C3orf49: variants seen among roughly 807,000 people sequenced by gnomAD.
C3orf49 encodes the protein putative uncharacterized protein C3orf49.
C3orf49 carries 27 observed loss-of-function variants against 13.3 expected under a neutral mutation model. The ratio of observed to expected loss-of-function variants is 2.02; its 90% CI spans 1.49 to 2.79. The LOEUF (loss-of-function observed/expected upper bound fraction) is 2.79, where lower values mean the gene tolerates loss of function less well. Among genes scored for constraint, C3orf49 ranks in the 30% most tolerant of loss-of-function variants. The probability of loss-of-function intolerance (pLI) is 0.00; values close to 1 mark genes in which losing one functional copy is unlikely to be tolerated. For synonymous variants in C3orf49, 87 were observed against 47.6 expected, an observed-to-expected ratio of 1.83 and a Z score of -3.40; for missense variants, 242 against 134.2, an observed-to-expected ratio of 1.80 and a Z score of -3.97.
rs577311855 is a variant in C3orf49 at position 63,839,163 on chromosome 3, C to T, written c.850-5860C>T. ...CAAGATTGTGCCATTGCACTCCAGCCTGAACAACAGAATGAGACTCTGTCT... is the reference window on the plus strand; with the variant it reads ...CAAGATTGTGCCATTGCACTCCAGCTTGAACAACAGAATGAGACTCTGTCT... On this transcript the variant is annotated intron_variant, in intron 5 of 6. Coordinates refer to ENST00000295896, the MANE Select transcript of C3orf49 (RefSeq NM_001355236.2). Among the ~76,000 whole-genome samples the T allele has an allele frequency of 3.3e-5, 5 of 152,114 alleles. No homozygotes were observed. In the South Asian group the frequency reaches 1.0e-3, roughly 32 times the overall value.
At chr3:63,837,458 G>A (rs1701658847) in intron 5 of C3orf49, among the ~76,000 whole-genome samples, 1 of 151,894 alleles carries the variant, frequency 6.6e-6, no homozygotes, top group Non-Finnish European at 1.5e-5. Context: ...TTAAAAACAA[G>A]AGATTATAAC....
chr3:63,788,386 A>G, the C3orf49 span, among the ~76,000 whole-genome samples: 1 of 152,214 alleles, frequency 6.6e-6, no homozygotes, highest in Non-Finnish European at 1.5e-5. Context: ...GAGAAATACA[A>G]TATGTCTTTC....
At chr3:63,799,590 A>T in the C3orf49 span, among the ~76,000 whole-genome samples, 2 of 152,196 alleles carry the variant, frequency 1.3e-5, no homozygotes, top group African/African-American at 4.8e-5. Context: ...ATGGCATAAA[A>T]AATTAAGACA....
intron 3 of C3orf49, among the ~76,000 whole-genome samples, chr3:63,828,035 G>A (rs544324046): frequency 2.6e-5 from 4 of 152,294 alleles, no homozygotes; most frequent in Non-Finnish European, 5.9e-5. Flanking sequence ...TATGTGGAGT[G>A]GAACTCATTA....
the C3orf49 span, among the ~76,000 whole-genome samples, chr3:63,791,429 C>T: frequency 1.3e-5 from 2 of 152,282 alleles, no homozygotes; most frequent in East Asian, 3.9e-4. Flanking sequence ...AAAGGCTACC[C>T]AGAGCATTGT....
chr3:63,793,516 C>T, the C3orf49 span, among the ~76,000 whole-genome samples: 19 of 152,096 alleles, frequency 1.2e-4, no homozygotes, highest in East Asian at 3.9e-4. Context: ...TCCCCTTCTT[C>T]GAGTCTCCAG....
the C3orf49 span, among the ~76,000 whole-genome samples, chr3:63,780,832 A>G: frequency 1.3e-5 from 2 of 151,864 alleles, no homozygotes; most frequent in African/African-American, 2.4e-5. Flanking sequence ...TTGTTGATGG[A>G]GTTGTTTGTA....
At chr3:63,781,850 A>G in the C3orf49 span, among the ~76,000 whole-genome samples, 1 of 152,170 alleles carries the variant, frequency 6.6e-6, no homozygotes, top group African/African-American at 2.4e-5. Context: ...GTGTTGTTGC[A>G]TTTATTCCTC....
intron 5 of C3orf49, chr3:63,836,275 C>T (rs780300919): frequency 1.2e-6 from 2 of 1,605,698 alleles, no homozygotes; most frequent in African/African-American, 1.3e-5. Flanking sequence ...AGGTTAGTTC[C>T]TTTCAAAGTA....
the C3orf49 span, among the ~76,000 whole-genome samples, chr3:63,795,293 G>C: frequency 6.6e-6 from 1 of 152,126 alleles, no homozygotes; most frequent in Non-Finnish European, 1.5e-5. Flanking sequence ...AATGGGAAAC[G>C]TCTAGGGGGT....
chr3:63,787,897 T>C, the C3orf49 span, among the ~76,000 whole-genome samples: 1 of 152,234 alleles, frequency 6.6e-6, no homozygotes, highest in Non-Finnish European at 1.5e-5. Context: ...TCAGTTTTTC[T>C]GGATGGACTT....
At chr3:63,799,376 T>A in the C3orf49 span, among the ~76,000 whole-genome samples, 1 of 152,138 alleles carries the variant, frequency 6.6e-6, no homozygotes, top group Non-Finnish European at 1.5e-5. Context: ...GAAAATTTTG[T>A]ATGATTCAAG....
At chr3:63,826,334 G>C (rs1701464504) in intron 2 of C3orf49, among the ~76,000 whole-genome samples, 1 of 152,148 alleles carries the variant, frequency 6.6e-6, no homozygotes, top group Non-Finnish European at 1.5e-5. Context: ...ATTCTTTCAG[G>C]CAAGGAATGA....
intron 2 of C3orf49, 30 bp from the exon 3 acceptor site, chr3:63,827,571 T>A: frequency 1.4e-6 from 1 of 699,288 alleles, no homozygotes; most frequent in Non-Finnish European, 2.6e-6. Context: ...TTGTGATCCT[T>A]ACAGATTCCT....
intron 5 of C3orf49, 184 bp downstream of exon 5, chr3:63,832,028 T>C (rs1701540010): frequency 7.8e-6 from 4 of 510,250 alleles, no homozygotes; most frequent in Non-Finnish European, 1.4e-5. Flanking sequence ...ACCCTGTCTC[T>C]ACTAAAAATA....
chr3:63,843,112 A>G (rs1559604763), intron 5 of C3orf49, among the ~76,000 whole-genome samples: 1 of 149,196 alleles, frequency 6.7e-6, no homozygotes, highest in African/African-American at 2.5e-5. Context: ...CCGTATGTAT[A>G]TTTGTTTGTT....
chr3:63,837,015 G>T lies in C3orf49; in HGVS notation c.849+5171G>T, dbSNP rs183844621. 7.3e-4 allele frequency among the ~76,000 whole-genome samples: 110 copies of T among 151,426 alleles called. 1 individual carries two copies. In the East Asian group the frequency reaches 0.016, roughly 22 times the overall value. On this transcript the variant is annotated intron_variant, in intron 5 of 6. Coordinates refer to ENST00000295896, the MANE Select transcript of C3orf49 (RefSeq NM_001355236.2). Reference sequence around the variant, plus strand: ...GTTGGTATATGTTACTGTAAATAAGGCACCAAAACTTCACCATACACATTT... The same window carrying T: ...GTTGGTATATGTTACTGTAAATAAGTCACCAAAACTTCACCATACACATTT...
At chr3:63,802,899 G>GAC in the C3orf49 span, among the ~76,000 whole-genome samples, 9 of 151,356 alleles carry the variant, frequency 5.9e-5, no homozygotes, top group African/African-American at 2.2e-4. Context: ...CACATACACA[G>GAC]ACACACACAC....
intron 2 of C3orf49, among the ~76,000 whole-genome samples, chr3:63,824,283 A>G (rs1185575199): frequency 6.6e-6 from 1 of 152,190 alleles, no homozygotes; most frequent in Non-Finnish European, 1.5e-5. Flanking sequence ...TGGAAAAAGT[A>G]GTGATGCAGA....
Sources: gnomAD v4.1 joint callset for allele counts (sites outside exome capture counted in the v4.1 genomes callset) on GRCh38, gnomAD v4.1.1 for gene constraint, MANE v1.5 for transcripts, NCBI Gene and HGNC (gene_info 2026-07-23, HGNC 2026-07-21) for gene names.